Variants in ACVRL1 observed in about 807,000 individuals in gnomAD.
ACVRL1 encodes activin A receptor like type 1, also known as activin receptor type-1-like.
In ACVRL1, 20 loss-of-function variants were observed where a neutral mutation model predicts 51.9. The ratio of observed to expected loss-of-function variants is 0.39; its 90% CI spans 0.27 to 0.56. ACVRL1 has a LOEUF of 0.56. Among genes scored for constraint, ACVRL1 ranks in the 20% least tolerant of loss-of-function variants. ACVRL1 has a pLI of 0.67. For missense variants in ACVRL1, 451 were observed against 670.3 expected (o/e 0.67, Z 3.61); for synonymous variants, 288 against 280.9 (o/e 1.03, Z -0.25).
intron 6 of ACVRL1, 40 bp from the exon 7 acceptor site, chr12:51,915,185 C>T (rs1940799773): frequency 1.2e-6 from 2 of 1,613,550 alleles, no homozygotes; most frequent in Admixed American, 1.7e-5. Flanking sequence ...TCCCTTAGCC[C>T]CAGCCCCTTG....
intron 8 of ACVRL1, among the ~76,000 whole-genome samples, chr12:51,916,829 C>G (rs1940850077): frequency 6.6e-6 from 1 of 152,126 alleles, no homozygotes; most frequent in African/African-American, 2.4e-5. Context: ...CAAAAATTAG[C>G]TGGCTGTGGT....
intron 9 of ACVRL1, chr12:51,919,368 TGTG>T: frequency 6.1e-6 from 2 of 328,704 alleles, no homozygotes; most frequent in South Asian, 3.2e-5. Context: ...TGGCTCTGTG[TGTG>T]TGTGTGTGTG....
intron 7 of ACVRL1, 50 bp from the exon 8 acceptor site, chr12:51,915,986 G>T: frequency 6.3e-7 from 1 of 1,583,884 alleles, no homozygotes; most frequent in South Asian, 1.1e-5. Context: ...CCTGCCCCCT[G>T]GATCCCAGGT....
At chr12:51,911,036 G>A (rs1464500615) in intron 1 of ACVRL1, among the ~76,000 whole-genome samples, 3 of 152,230 alleles carry the variant, frequency 2.0e-5, no homozygotes, top group Non-Finnish European at 4.4e-5. Context: ...TGAAGCCTCT[G>A]TGGCCATGTG....
At chr12:51,911,735 G>A (rs1940694143) in intron 1 of ACVRL1, among the ~76,000 whole-genome samples, 1 of 152,206 alleles carries the variant, frequency 6.6e-6, no homozygotes, top group Admixed American at 6.5e-5. Context: ...CCTCTCTTCT[G>A]TAAAACAAGG....
chr12:51,917,361 GA>G lies in ACVRL1; in HGVS notation c.1246+1129del, dbSNP rs761881705. Among the ~76,000 whole-genome samples the G allele has an allele frequency of 6.6e-6, 1 of 152,226 alleles. No homozygotes were observed. Among genetic ancestry groups the G allele is most frequent in the Non-Finnish European group, 1.5e-5 (1 of 68,042 alleles). ...GCCACAGGGGACTCTGATTTAGAGGGACTGCGACAGGTAGAGAGACCTGCCC... is the reference window on the plus strand; with the variant it reads ...GCCACAGGGGACTCTGATTTAGAGGGCTGCGACAGGTAGAGAGACCTGCCC... On this transcript the variant is annotated intron_variant, in intron 8 of 9. Transcript: ENST00000388922. The surrounding 1 kb of genome is among the most constrained non-coding windows in gnomAD (Gnocchi z 4.2).
chr12:51,916,223 C>A lies in ACVRL1; in HGVS notation c.1236C>A (p.Thr412=), dbSNP rs532485717. 3 of 1,614,044 alleles carry A rather than the reference C, an allele frequency of 1.9e-6. No individual in the cohort carries two copies. Among genetic ancestry groups the A allele is most frequent in the Non-Finnish European group, 2.5e-6 (3 of 1,179,978 alleles). ...GLVLWEIARR[T]IVNGIVEDYR... ...TGCTGTGGGAGATTGCCCGCCGGAC[C>A]ATCGTGAATGGTGAGGGCCCACCCT... Residue 412 remains threonine, a synonymous_variant, in exon 8 of 10, where the codon ACC becomes ACA. Transcript: ENST00000388922.
intron 1 of ACVRL1, among the ~76,000 whole-genome samples, chr12:51,908,290 C>T (rs887590766): frequency 6.6e-6 from 1 of 152,202 alleles, no homozygotes; most frequent in African/African-American, 2.4e-5. Context: ...TCCATGGAGG[C>T]CAGTGCTGTG....
Position 51,917,072 on chromosome 12 carries a change from A to G in ACVRL1, c.1246+839A>G, listed in dbSNP as rs531466987. Among the ~76,000 whole-genome samples, 45 of 152,364 alleles carry G rather than the reference A, an allele frequency of 3.0e-4. No homozygotes were observed. The highest frequency in any genetic ancestry group is 5.2e-4 in the Admixed American group (8 of 15,312). The stretch of plus-strand genomic sequence containing the variant: ...AGTATTTAGAACAGTATCTAGAGCT[A>G]AATATTAGTGGCTGTTATTGTTGTA... On this transcript the variant is annotated intron_variant, in intron 8 of 9. Transcript: ENST00000388922. This position sits in a 1 kb window ranked among gnomAD's most constrained non-coding sequence, Gnocchi z 4.2.
chr12:51,918,528 A>G (rs1940896044), intron 8 of ACVRL1, among the ~76,000 whole-genome samples: 1 of 152,182 alleles, frequency 6.6e-6, no homozygotes, highest in African/African-American at 2.4e-5. Flanking sequence ...CATGTGTGAT[A>G]GTTGGGGCCT....
chr12:51,920,630 G>A (rs2139088803), intron 9 of ACVRL1, 129 bp from the exon 10 acceptor site: 3 of 1,022,896 alleles, frequency 2.9e-6, no homozygotes, highest in African/African-American at 1.6e-5. Flanking sequence ...CCCCATTACC[G>A]GCCATCCTCC....
intron 8 of ACVRL1, 123 bp downstream of exon 8, chr12:51,916,356 A>T (rs1168654082): frequency 9.8e-7 from 1 of 1,017,940 alleles, no homozygotes; most frequent in African/African-American, 1.6e-5. Flanking sequence ...CACCCCTTCC[A>T]TGCTGCCCAC....
upstream of ACVRL1, chr12:51,907,301 CT>C (rs948911318): frequency 1.3e-5 from 2 of 152,112 alleles, no homozygotes; most frequent in African/African-American, 4.8e-5. The surrounding 1 kb of genome is among the most constrained non-coding windows in gnomAD (Gnocchi z 4.5). Context: ...GACCCGGGAG[CT>C]GCGGGCGGCT....
At position 51,914,039 on chromosome 12, in the gene ACVRL1, A is replaced by G; in HGVS notation, c.591A>G (p.Thr197=). 6.2e-7 allele frequency: 1 copy of G among 1,613,904 alleles called. No homozygotes were observed. The highest frequency in any genetic ancestry group is 8.5e-7 in the Non-Finnish European group (1 of 1,179,900). ...GSGLPFLVQR[T]VARQVALVEC... ...GGCTCCCCTTCCTGGTGCAGAGGAC[A>G]GTGGCACGGCAGGTTGCCTTGGTGG... The change falls in exon 5 of 10, where the codon ACA becomes ACG. Residue 197 remains threonine (T), a synonymous_variant. Transcript: ENST00000388922.
rs1344097089 is a variant in ACVRL1 at position 51,916,142 on chromosome 12, C to T, written c.1155C>T (p.Ile385=). ...CACCCGAGGTGCTGGACGAGCAGATCCGCACGGACTGCTTTGAGTCCTACA... is the reference window on the plus strand; with the variant it reads ...CACCCGAGGTGCTGGACGAGCAGATTCGCACGGACTGCTTTGAGTCCTACA... ...YMAPEVLDEQ[I]RTDCFESYKW... is the part of the protein sequence containing the mutation. Residue 385 remains isoleucine, a synonymous_variant, in exon 8 of 10, where the codon ATC becomes ATT. Coordinates refer to ENST00000388922, the MANE Select transcript of ACVRL1 (RefSeq NM_000020.3). The T allele has an allele frequency of 6.2e-7, 1 of 1,614,230 alleles. No individual in the cohort carries two copies. The highest frequency in any genetic ancestry group is 1.7e-5 in the Admixed American group (1 of 60,030).
chr12:51,913,857 G>T, intron 4 of ACVRL1, 87 bp downstream of exon 4: 1 of 1,575,716 alleles, frequency 6.3e-7, no homozygotes, highest in South Asian at 1.1e-5. Context: ...GATTAGAGCC[G>T]GTGGGGAGCT....
chr12:51,910,462 A>G (rs1000788644), intron 1 of ACVRL1, among the ~76,000 whole-genome samples: 1 of 152,232 alleles, frequency 6.6e-6, no homozygotes, highest in Non-Finnish European at 1.5e-5. Flanking sequence ...GGGTGAAACC[A>G]GTGAATATGC....
Position 51,907,976 on chromosome 12 carries a change from C to T in ACVRL1, c.-6+281C>T, listed in dbSNP as rs1247171887. ...CTTCACTTCTCTGTTCTCCTACCCT[C>T]TTCATAAAATGGGCAGTGGGATTCC... On this transcript the variant is annotated intron_variant, in intron 1 of 9. Coordinates refer to ENST00000388922, the MANE Select transcript of ACVRL1 (RefSeq NM_000020.3). The surrounding 1 kb of genome is among the most constrained non-coding windows in gnomAD (Gnocchi z 4.5). 3.3e-5 allele frequency among the ~76,000 whole-genome samples: 5 copies of T among 152,194 alleles called. No individual in the cohort carries two copies. The highest frequency in any genetic ancestry group is 1.3e-4 in the Admixed American group (2 of 15,274).
chr12:51,910,650 TGG>T (rs1940672050), intron 1 of ACVRL1, among the ~76,000 whole-genome samples: 1 of 152,212 alleles, frequency 6.6e-6, no homozygotes. Context: ...TGCAGCTTTC[TGG>T]GCTAGCAAAG....
Sources: gnomAD v4.1 joint callset for allele counts (sites outside exome capture counted in the v4.1 genomes callset) on GRCh38, gnomAD v4.1.1 for gene constraint, Gnocchi (gnomAD v3.1) non-coding constraint, MANE v1.5 for transcripts, NCBI Gene and HGNC (gene_info 2026-07-23, HGNC 2026-07-21) for gene names.